The following GRIN2A variants were observed in gnomAD, a reference collection of about 807,000 sequenced individuals.
GRIN2A encodes glutamate ionotropic receptor NMDA type subunit 2A.
A neutral mutation model predicts 113.4 loss-of-function variants in GRIN2A; 22 were observed. The observed-to-expected ratio is 0.19, with a 90% CI of 0.14 to 0.28. The LOEUF is 0.28. Ranked by LOEUF, GRIN2A falls within the 10% of genes least tolerant of loss-of-function variation. The pLI, the probability that GRIN2A is intolerant of heterozygous loss-of-function variation, is 1.00. For synonymous variants in GRIN2A, 827 were observed against 738.4 expected, an observed-to-expected ratio of 1.12 and a Z score of -1.94; for missense variants, 1,502 against 1,887.0, an observed-to-expected ratio of 0.80 and a Z score of 3.78.
chr16:10,117,133 A>T (rs2048742967), intron 2 of GRIN2A, among the ~76,000 whole-genome samples: 1 of 151,306 alleles, frequency 6.6e-6, no homozygotes, highest in Non-Finnish European at 1.5e-5. Context: ...TGTCATCTGG[A>T]TTTCGTGTTC....
intron 11 of GRIN2A, among the ~76,000 whole-genome samples, chr16:9,781,383 C>T (rs1901926251): frequency 6.6e-6 from 1 of 152,062 alleles, no homozygotes; most frequent in Admixed American, 6.5e-5. Context: ...TTCTTTGAGA[C>T]AGGGTCTTGT....
chr16:9,788,993 C>T (rs1279377562), intron 11 of GRIN2A, among the ~76,000 whole-genome samples: 7 of 152,114 alleles, frequency 4.6e-5, no homozygotes, highest in East Asian at 1.9e-4. Context: ...CCACCCTCCT[C>T]GGCCTCTCAA....
chr16:10,010,288 T>C (rs577493917), intron 2 of GRIN2A, among the ~76,000 whole-genome samples: 2 of 152,358 alleles, frequency 1.3e-5, no homozygotes, highest in Admixed American at 1.3e-4. Context: ...TAGGTGAGTT[T>C]CCACAGCCTT....
chr16:9,859,781 T>C lies in GRIN2A; in HGVS notation c.1123-9820A>G, dbSNP rs1434156299. 3.3e-5 allele frequency among the ~76,000 whole-genome samples: 5 copies of C among 152,158 alleles called. No homozygotes were observed. The East Asian group carries it at 7.7e-4, about 23-fold the overall frequency. The stretch of plus-strand genomic sequence containing the variant: ...TTATTATCTCCCCCTACTGAAATCC[T>C]ACCCACTCTTTTCAGGCCTAGCTCA... On this transcript the variant is annotated intron_variant, in intron 4 of 12. Coordinates refer to ENST00000330684, the MANE Select transcript of GRIN2A (RefSeq NM_001134407.3).
intron 10 of GRIN2A, among the ~76,000 whole-genome samples, chr16:9,808,407 C>T (rs551392580): frequency 1.1e-4 from 17 of 152,252 alleles, no homozygotes; most frequent in African/African-American, 2.9e-4. Context: ...GACGACATCA[C>T]GGAACTTGTC....
chr16:9,813,148 G>T (rs542834064), intron 10 of GRIN2A, among the ~76,000 whole-genome samples: 1 of 152,184 alleles, frequency 6.6e-6, no homozygotes, highest in Admixed American at 6.5e-5. Flanking sequence ...GCTAGTTAAG[G>T]CATGATGAAA....
intron 3 of GRIN2A, among the ~76,000 whole-genome samples, chr16:9,892,038 G>GACCAACATGGAGAAACCCCGTCTCT (rs1472866748): frequency 6.6e-6 from 1 of 152,098 alleles, no homozygotes; most frequent in African/African-American, 2.4e-5. Context: ...AGACCAGCCT[G>GACCAACATGGAGAAACCCCGTCTCT]ACCAACATGG....
chr16:10,038,853 AAAAAC>A (rs1290852079), intron 2 of GRIN2A, among the ~76,000 whole-genome samples: 5 of 141,442 alleles, frequency 3.5e-5, no homozygotes, highest in Non-Finnish European at 3.0e-5. Context: ...TTCTCAAAAA[AAAAAC>A]AAAAAACAAA....
In GRIN2A at chr16:9,754,099, TATTC is replaced by T. The variant is rs1302089194; in HGVS notation, c.*9046_*9049del. ...TTTATAATTTTTATGATCTAATTCT[TATTC>T]AAGCTACCAAGAAACTCACCTTATT... is the stretch of plus-strand genomic sequence containing the variant. On this transcript the variant is annotated 3_prime_UTR_variant, in exon 13 of 13. Transcript: ENST00000330684. 1.1e-5 allele frequency: 2 copies of T among 184,988 alleles called. No homozygotes were observed. The highest frequency in any genetic ancestry group is 4.7e-5 in the African/African-American group (2 of 42,686). 11.5% of individuals were successfully genotyped at this position (184,988 alleles called of 1,614,324 possible). A position where few individuals can be genotyped will look rare whatever the true frequency, so the allele number is the denominator to read the frequency against.
intron 11 of GRIN2A, among the ~76,000 whole-genome samples, chr16:9,776,694 T>G (rs1567288756): frequency 6.6e-6 from 1 of 152,082 alleles, no homozygotes; most frequent in Non-Finnish European, 1.5e-5. Flanking sequence ...TTGCTGCTGA[T>G]CTCATTCGGG....
intron 3 of GRIN2A, among the ~76,000 whole-genome samples, chr16:9,911,953 C>T (rs1160668961): frequency 6.6e-6 from 1 of 152,184 alleles, no homozygotes; most frequent in Non-Finnish European, 1.5e-5. Flanking sequence ...GCTATTCACT[C>T]TGCATCTTAG....
chr16:10,081,403 G>T (rs964208487), intron 2 of GRIN2A, among the ~76,000 whole-genome samples: 1 of 152,136 alleles, frequency 6.6e-6, no homozygotes, highest in African/African-American at 2.4e-5. Context: ...CCAAGTGAAG[G>T]CAGCTTAATT....
intron 12 of GRIN2A, among the ~76,000 whole-genome samples, chr16:9,765,657 G>A (rs1900870438): frequency 6.6e-6 from 1 of 152,150 alleles, no homozygotes; most frequent in Non-Finnish European, 1.5e-5. Flanking sequence ...GAAAAGTAGA[G>A]CCCAAGAGAT....
At chr16:9,844,382 G>C (rs1196341827) in intron 5 of GRIN2A, among the ~76,000 whole-genome samples, 1 of 152,172 alleles carries the variant, frequency 6.6e-6, no homozygotes, top group African/African-American at 2.4e-5. Context: ...CGCAGCAAAG[G>C]CAATAGTTGA....
At chr16:9,834,261 G>C (rs779560128) in intron 7 of GRIN2A, 31 bp from the exon 8 acceptor site, 4 of 1,612,578 alleles carry the variant, frequency 2.5e-6, no homozygotes, top group South Asian at 1.1e-5. Flanking sequence ...GAATGGAAAC[G>C]TGGTTAGTTA....
chr16:9,901,321 A>G (rs2043919136), intron 3 of GRIN2A, among the ~76,000 whole-genome samples: 1 of 152,158 alleles, frequency 6.6e-6, no homozygotes, highest in Non-Finnish European at 1.5e-5. Flanking sequence ...GTGAATTACA[A>G]CTAGACATCC....
chr16:9,849,733 G>T, intron 5 of GRIN2A, 23 bp downstream of exon 5: 4 of 1,584,364 alleles, frequency 2.5e-6, no homozygotes, highest in Non-Finnish European at 3.5e-6. Flanking sequence ...GCACGTTCAG[G>T]TGACAGCATT....
chr16:9,865,466 T>G (rs2141410770), intron 4 of GRIN2A, among the ~76,000 whole-genome samples: 1 of 152,298 alleles, frequency 6.6e-6, no homozygotes, highest in Middle Eastern at 3.4e-3. Context: ...CACAGCAGTT[T>G]AAAAGAACCG....
rs759785747 is a variant in GRIN2A, at chr16:10,024,525, C to T, written c.415-85974G>A. On this transcript the variant is annotated intron_variant, in intron 2 of 12. Coordinates refer to ENST00000330684, the MANE Select transcript of GRIN2A (RefSeq NM_001134407.3). ...GAGCCAACGTGCCCAGCCAATGTCACGCACAGTTTTAAGCAAAACTATGTT... is the reference window on the plus strand; with the variant it reads ...GAGCCAACGTGCCCAGCCAATGTCATGCACAGTTTTAAGCAAAACTATGTT... 5.1e-4 allele frequency among the ~76,000 whole-genome samples: 78 copies of T among 152,342 alleles called. 1 individual carries two copies. Among genetic ancestry groups the T allele is most frequent in the Non-Finnish European group, 3.2e-4 (22 of 68,034 alleles).
Sources: gnomAD v4.1 joint callset for allele counts (sites outside exome capture counted in the v4.1 genomes callset) on GRCh38, gnomAD v4.1.1 for gene constraint, MANE v1.5 for transcripts, NCBI Gene and HGNC (gene_info 2026-07-23, HGNC 2026-07-21) for gene names.